The following CDK5RAP2 variants were observed in gnomAD, a reference collection of about 807,000 sequenced individuals.
The protein encoded by CDK5RAP2 is CDK5 regulatory subunit-associated protein 2.
A neutral mutation model predicts 232.9 loss-of-function variants in CDK5RAP2; 147 were observed. The observed-to-expected ratio is 0.63, with a 90% CI of 0.55 to 0.72. The LOEUF (loss-of-function observed/expected upper bound fraction) is 0.72, where lower values mean the gene tolerates loss of function less well. Ranked by LOEUF, CDK5RAP2 falls within the 30% of genes least tolerant of loss-of-function variation. The pLI is 0.00. For synonymous variants in CDK5RAP2, 833 were observed against 833.7 expected, an observed-to-expected ratio of 1.00 and a Z score of 0.01; for missense variants, 2,195 against 2,231.5, an observed-to-expected ratio of 0.98 and a Z score of 0.33.
At chr9:120,575,364 T>C (rs2042996136) in intron 1 of CDK5RAP2, among the ~76,000 whole-genome samples, 1 of 152,120 alleles carries the variant, frequency 6.6e-6, no homozygotes, top group South Asian at 2.1e-4. Flanking sequence ...TAGCAACTGT[T>C]TGTGGATAAT....
intron 3 of CDK5RAP2, among the ~76,000 whole-genome samples, 157 bp downstream of exon 3, chr9:120,568,164 C>T (rs182601995): frequency 4.6e-5 from 7 of 152,294 alleles, no homozygotes; most frequent in Admixed American, 2.6e-4. Flanking sequence ...TGCATTTGTA[C>T]GTAAAAGTCT....
chr9:120,465,124 A>G (rs982979227), intron 18 of CDK5RAP2, among the ~76,000 whole-genome samples: 6 of 152,222 alleles, frequency 3.9e-5, no homozygotes, highest in African/African-American at 1.4e-4. Context: ...AATAATGACA[A>G]TATAAGTAAA....
rs138588916 is a variant in CDK5RAP2, at chr9:120,530,076, C to T, written c.727G>A (p.Glu243Lys). 20 of 1,613,852 alleles carry T rather than the reference C, an allele frequency of 1.2e-5. No individual in the cohort carries two copies. Among genetic ancestry groups the T allele is most frequent in the Admixed American group, 1.7e-5 (1 of 59,996 alleles). The change falls in exon 8 of 38, where the codon GAG becomes AAG. Residue 243 changes from glutamate to lysine, a missense_variant. Transcript: ENST00000349780. Reference sequence around the variant, plus strand: ...TCAGGACATGCCATCTGAGATTTCTCCTCTTTAAGGCACTGAATTAAAGCT... The same window carrying T: ...TCAGGACATGCCATCTGAGATTTCTTCTCTTTAAGGCACTGAATTAAAGCT... ...KEALIQCLKEEKSQMACPDEN... is the reference protein window; with the variant it reads ...KEALIQCLKEKKSQMACPDEN...
chr9:120,535,562 G>C (rs2041349178), intron 7 of CDK5RAP2, among the ~76,000 whole-genome samples: 1 of 152,230 alleles, frequency 6.6e-6, no homozygotes. Context: ...TCAACAGATA[G>C]GTCACAGGTT....
rs140513883 is a variant in CDK5RAP2 at position 120,491,407 on chromosome 9, T to C, written c.1382A>G (p.Tyr461Cys). The change falls in exon 13 of 38, where the codon TAC becomes TGC. Residue 461 changes from tyrosine to cysteine, a missense_variant. Coordinates refer to ENST00000349780, the MANE Select transcript of CDK5RAP2 (RefSeq NM_018249.6). The stretch of plus-strand genomic sequence containing the variant: ...ATTGCTTTCACTCAGAAGACTCTTG[T>C]AACGATTTTCCATTGCTTTCTCTCT... ...NEREKAMENR[Y>C]KSLLSESNKK... is the part of the protein sequence containing the mutation. 8.1e-5 allele frequency: 130 copies of C among 1,612,396 alleles called. No individual in the cohort carries two copies. The highest frequency in any genetic ancestry group is 6.5e-4 in the Admixed American group (39 of 59,984).
chr9:120,492,097 A>G (rs940318865), intron 12 of CDK5RAP2, among the ~76,000 whole-genome samples: 1 of 147,708 alleles, frequency 6.8e-6, no homozygotes, highest in African/African-American at 2.4e-5. Flanking sequence ...CAGAAAAAGG[A>G]AAAAAAAACC....
Position 120,447,967 on chromosome 9 carries a change from G to C in CDK5RAP2, c.2953C>G (p.Leu985Val). 1 of 1,614,200 alleles carries C rather than the reference G, an allele frequency of 6.2e-7. No individual in the cohort carries two copies. The highest frequency in any genetic ancestry group is 8.5e-7 in the Non-Finnish European group (1 of 1,180,048). The change falls in exon 22 of 38, where the codon CTT becomes GTT. Residue 985 changes from leucine (L) to valine (V), a missense_variant. Leu to Val is a conservative substitution (Grantham distance 32, BLOSUM62 1). Coordinates refer to ENST00000349780, the MANE Select transcript of CDK5RAP2 (RefSeq NM_018249.6). Reference sequence around the variant, plus strand: ...TCAGCCAGAATTAACTTTTGGTGAAGTTGCTTATTACAAGTTTTAAACTCC... The same window carrying C: ...TCAGCCAGAATTAACTTTTGGTGAACTTGCTTATTACAAGTTTTAAACTCC... ...LKEFKTCNKQLHQKLILAEAV... is the reference protein window; with the variant it reads ...LKEFKTCNKQVHQKLILAEAV...
Position 120,470,157 on chromosome 9 carries a change from T to C in CDK5RAP2, c.1922A>G (p.Asn641Ser), listed in dbSNP as rs144072765. 19 of 1,597,426 alleles carry C rather than the reference T, an allele frequency of 1.2e-5. No homozygotes were observed. In the African/African-American group the frequency reaches 1.7e-4, roughly 15 times the overall value. ...SYLSICLEEN[N>S]RFQVEHFSQE... ...AGAAAAATGTTCCACTTGAAACCGA[T>C]TGTTTTCTTCAAGGCAAATACTTAG... The change falls in exon 17 of 38, where the codon AAT (asparagine) becomes AGT (serine). Residue 641 changes from asparagine (N) to serine (S), a missense_variant. Coordinates refer to ENST00000349780, the MANE Select transcript of CDK5RAP2 (RefSeq NM_018249.6).
At chr9:120,481,766 G>A (rs535086723) in intron 14 of CDK5RAP2, among the ~76,000 whole-genome samples, 4 of 152,270 alleles carry the variant, frequency 2.6e-5, no homozygotes, top group African/African-American at 7.2e-5. Context: ...GCCCACCTGG[G>A]CCTCCCAAAG....
At position 120,447,965 on chromosome 9, in the gene CDK5RAP2, A is replaced by T. The variant is rs749346759; in HGVS notation, c.2955T>A (p.Leu985=). Residue 985 remains leucine, a synonymous_variant, in exon 22 of 38, where the codon CTT becomes CTA. Transcript: ENST00000349780. ...LKEFKTCNKQ[L]HQKLILAEAV... ...CTTCAGCCAGAATTAACTTTTGGTGAAGTTGCTTATTACAAGTTTTAAACT... is the reference window on the plus strand; with the variant it reads ...CTTCAGCCAGAATTAACTTTTGGTGTAGTTGCTTATTACAAGTTTTAAACT... The T allele has an allele frequency of 3.1e-6, 5 of 1,614,126 alleles. No individual in the cohort carries two copies. In the South Asian group the frequency reaches 5.5e-5, roughly 18 times the overall value.
At chr9:120,562,490 T>C (rs942785087) in intron 3 of CDK5RAP2, among the ~76,000 whole-genome samples, 2 of 152,148 alleles carry the variant, frequency 1.3e-5, no homozygotes, top group Non-Finnish European at 1.5e-5. Flanking sequence ...AGGCTATATG[T>C]TGTGCACAGA....
At position 120,520,937 on chromosome 9, in the gene CDK5RAP2, CAT is replaced by C. The variant is rs1301535902; in HGVS notation, c.1093-2294_1093-2293del. 2.0e-5 allele frequency among the ~76,000 whole-genome samples: 3 copies of C among 149,930 alleles called. 1 individual carries two copies. The highest frequency in any genetic ancestry group is 3.9e-4 in the East Asian group (2 of 5,102). On this transcript the variant is annotated intron_variant, in intron 11 of 37. Transcript: ENST00000349780. Reference sequence around the variant, plus strand: ...CTCATATGAGCTGTATCTCATATATCATATATCTCATATGAGCTGTATCTCAT... The same window carrying C: ...CTCATATGAGCTGTATCTCATATATCATATCTCATATGAGCTGTATCTCAT...
At chr9:120,436,139 G>A (rs1057112919) in intron 25 of CDK5RAP2, among the ~76,000 whole-genome samples, 3 of 152,138 alleles carry the variant, frequency 2.0e-5, no homozygotes, top group Admixed American at 6.5e-5. Context: ...CACCAAAAAC[G>A]GGATTAATAT....
At position 120,401,409 on chromosome 9, in the gene CDK5RAP2, G is replaced by A. The variant is rs376839487; in HGVS notation, c.5308-524C>T. Among the ~76,000 whole-genome samples the A allele has an allele frequency of 2.3e-4, 35 of 151,836 alleles. No homozygotes were observed. In the East Asian group the frequency reaches 5.4e-3, roughly 24 times the overall value. ...AGGGGAAATACAAGCCCAGAAATTC[G>A]AGACCACCCTAGGCAACATAGTGAG... On this transcript the variant is annotated intron_variant, in intron 34 of 37. Transcript: ENST00000349780.
intron 3 of CDK5RAP2, among the ~76,000 whole-genome samples, chr9:120,563,491 C>G (rs546871428): frequency 6.6e-6 from 1 of 152,218 alleles, no homozygotes; most frequent in Non-Finnish European, 1.5e-5. Flanking sequence ...TGGATTAGAG[C>G]AGACAGACAT....
intron 13 of CDK5RAP2, among the ~76,000 whole-genome samples, chr9:120,489,312 C>T (rs2038770382): frequency 6.6e-6 from 1 of 152,246 alleles, no homozygotes; most frequent in South Asian, 2.1e-4. Context: ...TTCAAAATGA[C>T]ACACCATGGG....
chr9:120,445,711 C>A (rs1303631086), intron 22 of CDK5RAP2, among the ~76,000 whole-genome samples: 1 of 152,208 alleles, frequency 6.6e-6, no homozygotes, highest in East Asian at 1.9e-4. Flanking sequence ...CTTGGTCCAA[C>A]CTTTAACCAC....
chr9:120,405,700 G>A (rs181689602), intron 32 of CDK5RAP2, among the ~76,000 whole-genome samples: 2 of 152,296 alleles, frequency 1.3e-5, no homozygotes, highest in African/African-American at 2.4e-5. Context: ...CCCTTGTAGG[G>A]TTTTCTCCTA....
At chr9:120,499,536 T>C (rs1330219417) in intron 12 of CDK5RAP2, among the ~76,000 whole-genome samples, 4 of 152,192 alleles carry the variant, frequency 2.6e-5, no homozygotes, top group Non-Finnish European at 5.9e-5. Context: ...TAAAGTAACA[T>C]TTTTTTAAAT....
Sources: allele counts gnomAD v4.1 joint callset (sites outside exome capture counted in the v4.1 genomes callset), GRCh38; gene constraint gnomAD v4.1.1; transcripts MANE v1.5; gene names NCBI Gene and HGNC (gene_info 2026-07-23, HGNC 2026-07-21).